The following RIMS1 variants were observed in gnomAD, a reference collection of about 807,000 sequenced individuals.
RIMS1 encodes regulating synaptic membrane exocytosis 1, also known as regulating synaptic membrane exocytosis protein 1.
In RIMS1, 83 loss-of-function variants were observed where a neutral mutation model predicts 214.1. The observed-to-expected ratio is 0.39, with a 90% CI of 0.32 to 0.47. RIMS1 has a LOEUF of 0.47. RIMS1 is among the 20% of genes least tolerant of loss of function. RIMS1 has a pLI of 0.99. For synonymous variants in RIMS1, 793 were observed against 786.8 expected (o/e 1.01, Z -0.13); for missense variants, 2,050 against 2,161.8 (o/e 0.95, Z 1.03).
intron 1 of RIMS1, among the ~76,000 whole-genome samples, chr6:71,935,505 A>G (rs1784185029): frequency 6.6e-6 from 1 of 152,228 alleles, no homozygotes; most frequent in African/African-American, 2.4e-5. Context: ...TTTAAAAAGC[A>G]TAGGGTTTTC....
At chr6:72,291,582 T>C (rs1015853724) in intron 25 of RIMS1, among the ~76,000 whole-genome samples, 4 of 152,200 alleles carry the variant, frequency 2.6e-5, no homozygotes, top group African/African-American at 9.6e-5. Flanking sequence ...TTATCCATAT[T>C]GTTAAGATCC....
chr6:72,008,160 A>G (rs983268804), intron 2 of RIMS1, among the ~76,000 whole-genome samples: 4 of 152,054 alleles, frequency 2.6e-5, no homozygotes, highest in African/African-American at 9.7e-5. Flanking sequence ...GAGAGTGGGG[A>G]CCAATATTCA....
intron 27 of RIMS1, among the ~76,000 whole-genome samples, chr6:72,307,818 CA>C (rs755307447): frequency 3.3e-5 from 5 of 151,854 alleles, no homozygotes; most frequent in African/African-American, 4.8e-5. Flanking sequence ...GCCAAAAAAA[CA>C]AAAAACTCTT....
At chr6:72,146,922 T>C (rs2042840500) in intron 4 of RIMS1, among the ~76,000 whole-genome samples, 1 of 152,004 alleles carries the variant, frequency 6.6e-6, no homozygotes, top group Non-Finnish European at 1.5e-5. Flanking sequence ...TAGGTGTAGA[T>C]ACGGTCTGAC....
chr6:72,028,962 A>C (rs2151993891), intron 2 of RIMS1, among the ~76,000 whole-genome samples: 1 of 152,304 alleles, frequency 6.6e-6, no homozygotes, highest in East Asian at 1.9e-4. Flanking sequence ...ATGGATAATC[A>C]AGTTGTTAGA....
chr6:71,991,571 C>T (rs1184091021), intron 2 of RIMS1, among the ~76,000 whole-genome samples: 1 of 152,160 alleles, frequency 6.6e-6, no homozygotes, highest in Non-Finnish European at 1.5e-5. Context: ...GACCGGATTC[C>T]TGCTCTAAGG....
chr6:72,152,790 G>GT (rs1338467388), intron 4 of RIMS1, among the ~76,000 whole-genome samples: 2 of 105,052 alleles, frequency 1.9e-5, no homozygotes, highest in Non-Finnish European at 3.6e-5. Context: ...GTATATATAT[G>GT]GAATATATGT....
At chr6:72,238,514 A>T (rs992027225) in intron 9 of RIMS1, among the ~76,000 whole-genome samples, 2 of 152,164 alleles carry the variant, frequency 1.3e-5, no homozygotes, top group African/African-American at 4.8e-5. Flanking sequence ...ATAACTGAAC[A>T]TGACACAATG....
chr6:72,257,859 G>A (rs182956857), intron 16 of RIMS1, among the ~76,000 whole-genome samples: 8 of 152,200 alleles, frequency 5.3e-5, no homozygotes, highest in East Asian at 3.9e-4. Context: ...CCAACTCATC[G>A]TAATGTCTGA....
chr6:72,227,595 T>C (rs2154068609), intron 6 of RIMS1, among the ~76,000 whole-genome samples: 1 of 152,016 alleles, frequency 6.6e-6, no homozygotes, highest in African/African-American at 2.4e-5. Context: ...AAGTACTGCC[T>C]CTACCAAATA....
intron 1 of RIMS1, among the ~76,000 whole-genome samples, chr6:71,897,846 A>C (rs1255711374): frequency 6.6e-6 from 1 of 152,152 alleles, no homozygotes; most frequent in East Asian, 1.9e-4. Flanking sequence ...TGAATGAATT[A>C]GATTCAAGGA....
chr6:72,336,943 T>G (rs2096862553), intron 29 of RIMS1, among the ~76,000 whole-genome samples: 1 of 151,814 alleles, frequency 6.6e-6, no homozygotes, highest in African/African-American at 2.4e-5. Flanking sequence ...GATTCTGCAT[T>G]GACCATGAGA....
At chr6:72,298,438 G>A (rs565231580) in intron 26 of RIMS1, among the ~76,000 whole-genome samples, 1 of 152,030 alleles carries the variant, frequency 6.6e-6, no homozygotes, top group African/African-American at 2.4e-5. Flanking sequence ...AATAGGAAAC[G>A]AGACACAGAT....
chr6:72,376,458 TAAA>T (rs1277798054), intron 29 of RIMS1, among the ~76,000 whole-genome samples: 1 of 151,956 alleles, frequency 6.6e-6, no homozygotes, highest in Admixed American at 6.6e-5. Context: ...AAAAACTCTA[TAAA>T]AAAGAAGAAG....
At chr6:72,352,778 A>G (rs2097501523) in intron 29 of RIMS1, among the ~76,000 whole-genome samples, 1 of 152,036 alleles carries the variant, frequency 6.6e-6, no homozygotes, top group Non-Finnish European at 1.5e-5. Flanking sequence ...ATTCCTATTA[A>G]TGCTCTATTA....
intron 1 of RIMS1, among the ~76,000 whole-genome samples, chr6:71,897,748 T>G (rs566253006): frequency 2.6e-5 from 4 of 152,160 alleles, no homozygotes; most frequent in African/African-American, 4.8e-5. Flanking sequence ...CCATTCTTAT[T>G]TGAATCCCTC....
intron 2 of RIMS1, among the ~76,000 whole-genome samples, chr6:71,991,077 GT>G (rs1288684561): frequency 6.6e-6 from 1 of 151,946 alleles, no homozygotes; most frequent in East Asian, 1.9e-4. Context: ...AAGATCAATG[GT>G]TTTTTTATAA....
chr6:72,182,624 A>G lies in RIMS1; in HGVS notation c.1153A>G (p.Arg385Gly). 1 of 1,545,518 alleles carries G rather than the reference A, an allele frequency of 6.5e-7. No individual in the cohort carries two copies. Among genetic ancestry groups the G allele is most frequent in the Non-Finnish European group, 8.7e-7 (1 of 1,145,276 alleles). Residue 385 changes from arginine (R) to glycine (G), a missense_variant, in exon 6 of 34, where the codon AGG becomes GGG. By Grantham distance (125) the Arg-to-Gly change is moderately radical. Around this residue, in one of 6 missense-constraint regions of RIMS1, gnomAD observed 882 missense variants for 828.9 expected, o/e 1.06. Coordinates refer to ENST00000521978, the MANE Select transcript of RIMS1 (RefSeq NM_014989.7). ...MRMHARVSRA[R>G]HERRHSDVAL... Reference sequence around the variant, plus strand: ...CATGCACGCCCGGGTGTCCCGCGCCAGGCACGAGCGGCGCCACAGCGACGT... The same window carrying G: ...CATGCACGCCCGGGTGTCCCGCGCCGGGCACGAGCGGCGCCACAGCGACGT...
At chr6:72,117,570 A>C (rs1385875706) in intron 4 of RIMS1, among the ~76,000 whole-genome samples, 4 of 152,014 alleles carry the variant, frequency 2.6e-5, no homozygotes, top group Non-Finnish European at 5.9e-5. Flanking sequence ...AATCATATCA[A>C]GTATCTTCTC....
Sources: gnomAD v4.1 joint callset for allele counts (sites outside exome capture counted in the v4.1 genomes callset) on GRCh38, gnomAD v4.1.1 for gene constraint, gnomAD v4.1.1 regional missense constraint, MANE v1.5 for transcripts, NCBI Gene and HGNC (gene_info 2026-07-23, HGNC 2026-07-21) for gene names.